The following DGLUCY variants were observed in gnomAD, a reference collection of about 807,000 sequenced individuals.
DGLUCY encodes the protein D-glutamate cyclase, mitochondrial.
Under a neutral mutation model 58.5 loss-of-function variants are expected in DGLUCY, and 58 were observed. The ratio of observed to expected loss-of-function variants is 0.99; its 90% CI spans 0.80 to 1.23. The LOEUF is 1.23. Ranked by LOEUF, DGLUCY falls within the 50% of genes most tolerant of loss-of-function variation. The probability of loss-of-function intolerance (pLI) is 0.00; values close to 1 mark genes in which losing one functional copy is unlikely to be tolerated. For missense variants in DGLUCY, 779 were observed against 784.7 expected, an observed-to-expected ratio of 0.99 and a Z score of 0.09; for synonymous variants, 325 against 314.1, an observed-to-expected ratio of 1.03 and a Z score of -0.37.
intron 3 of DGLUCY, among the ~76,000 whole-genome samples, chr14:91,164,096 C>A (rs375069004): frequency 2.0e-5 from 3 of 152,012 alleles, no homozygotes; most frequent in Non-Finnish European, 2.9e-5. Context: ...ATTACAGGCA[C>A]GTGCCACCAT....
chr14:91,103,408 C>T (rs2044527613), upstream of DGLUCY, among the ~76,000 whole-genome samples: 2 of 152,172 alleles, frequency 1.3e-5, no homozygotes, highest in Non-Finnish European at 2.9e-5. Context: ...CTCCCTCCTC[C>T]TCCGTCTCCA....
intron 1 of DGLUCY, among the ~76,000 whole-genome samples, chr14:91,090,422 CTG>C (rs1245025513): frequency 1.3e-5 from 2 of 152,140 alleles, no homozygotes; most frequent in Admixed American, 6.5e-5. Context: ...GCTACATCCT[CTG>C]TGAGTTTTTA....
intron 13 of DGLUCY, among the ~76,000 whole-genome samples, chr14:91,220,055 GCCACTCTCTTCCCTGTATTT>G (rs1567018605): frequency 6.6e-6 from 1 of 152,226 alleles, no homozygotes; most frequent in Non-Finnish European, 1.5e-5. Flanking sequence ...CTGGGTTAGG[GCCACTCTCTTCCCTGTATTT>G]CTGTAGTTTG....
In DGLUCY at chr14:91,209,036, A is replaced by G. The variant is rs193202102; in HGVS notation, c.1564+4211A>G. Among the ~76,000 whole-genome samples the G allele has an allele frequency of 4.3e-4, 65 of 152,304 alleles. 1 individual carries two copies. The Middle Eastern group carries it at 0.017, about 40-fold the overall frequency. On this transcript the variant is annotated intron_variant, in intron 12 of 13. Coordinates refer to ENST00000256324, the MANE Select transcript of DGLUCY (RefSeq NM_001102368.3). ...AAGTGTAGAAGACAAAAATGGGGCC[A>G]GGCGCAGTGGCTCACACCTGTAATC...
At chr14:91,215,671 C>T (rs1308029321) in intron 13 of DGLUCY, 115 bp downstream of exon 13, 1 of 1,589,704 alleles carries the variant, frequency 6.3e-7, no homozygotes, top group Non-Finnish European at 8.5e-7. Context: ...CCTCAAAAGC[C>T]AGAGGCAGAG....
At chr14:91,125,339 C>T (rs927187901) in intron 1 of DGLUCY, among the ~76,000 whole-genome samples, 1 of 152,286 alleles carries the variant, frequency 6.6e-6, no homozygotes. Context: ...GGAATGGCTG[C>T]GATCCTGTCT....
chr14:91,149,283 A>G (rs2140292995), intron 1 of DGLUCY, among the ~76,000 whole-genome samples: 1 of 152,228 alleles, frequency 6.6e-6, no homozygotes, highest in East Asian at 1.9e-4. Context: ...AAAAGAAAGA[A>G]ACTGAGGCCC....
intron 1 of DGLUCY, among the ~76,000 whole-genome samples, chr14:91,134,576 T>C (rs1270788213): frequency 6.6e-6 from 1 of 152,066 alleles, no homozygotes; most frequent in Non-Finnish European, 1.5e-5. Flanking sequence ...TAGCTGGGAC[T>C]ACAGGCCTGT....
intron 3 of DGLUCY, among the ~76,000 whole-genome samples, chr14:91,162,851 C>T (rs1315576775): frequency 8.0e-5 from 12 of 149,978 alleles, no homozygotes; most frequent in African/African-American, 1.7e-4. Context: ...GAGCCGAGAT[C>T]GCACCATTGC....
chr14:91,090,440 T>C (rs978052254), intron 1 of DGLUCY, among the ~76,000 whole-genome samples: 1 of 152,164 alleles, frequency 6.6e-6, no homozygotes, highest in Admixed American at 6.5e-5. Context: ...TTTTAAAACC[T>C]TCTCCCAGCC....
intron 1 of DGLUCY, among the ~76,000 whole-genome samples, chr14:91,143,189 G>A (rs942933300): frequency 1.3e-5 from 2 of 151,484 alleles, no homozygotes; most frequent in East Asian, 2.0e-4. Flanking sequence ...TCTGCCTCCC[G>A]GGTTCATGCC....
chr14:91,192,167 A>G (rs887709364), intron 9 of DGLUCY, among the ~76,000 whole-genome samples: 1 of 152,180 alleles, frequency 6.6e-6, no homozygotes, highest in African/African-American at 2.4e-5. Context: ...TATAATTATT[A>G]CTCAGCCTTA....
At chr14:91,084,205 T>C (rs1415312943) in intron 1 of DGLUCY, among the ~76,000 whole-genome samples, 4 of 86,942 alleles carry the variant, frequency 4.6e-5, no homozygotes, top group Non-Finnish European at 9.3e-5. Context: ...TCTGTCTCTC[T>C]TTTTTTTTTT....
chr14:91,211,019 A>G (rs964854589), intron 12 of DGLUCY, among the ~76,000 whole-genome samples: 2 of 152,258 alleles, frequency 1.3e-5, no homozygotes, highest in African/African-American at 4.8e-5. Context: ...TATGGTTGCA[A>G]GATACAAAGT....
At chr14:91,077,208 T>G (rs754281583) in intron 1 of DGLUCY, among the ~76,000 whole-genome samples, 3 of 150,670 alleles carry the variant, frequency 2.0e-5, no homozygotes, top group Non-Finnish European at 4.4e-5. Flanking sequence ...ATCGTGCCAC[T>G]GCAGTCTGGG....
At chr14:91,162,468 C>A (rs1191404301) in intron 3 of DGLUCY, among the ~76,000 whole-genome samples, 1 of 152,176 alleles carries the variant, frequency 6.6e-6, no homozygotes. Context: ...CCACCATCCT[C>A]TCCAGAAAGA....
intron 13 of DGLUCY, among the ~76,000 whole-genome samples, chr14:91,220,965 A>G (rs1887389265): frequency 6.6e-6 from 1 of 152,258 alleles, no homozygotes. Flanking sequence ...AACAAACACC[A>G]GGAAAGGTTT....
intron 1 of DGLUCY, among the ~76,000 whole-genome samples, chr14:91,150,218 CAAAA>C (rs71120121): frequency 1.5e-5 from 1 of 64,730 alleles, no homozygotes. Flanking sequence ...GACTCCATCT[CAAAA>C]AAAAAAAAAA....
chr14:91,106,306 C>G (rs534386730), upstream of DGLUCY, among the ~76,000 whole-genome samples: 1 of 150,874 alleles, frequency 6.6e-6, no homozygotes, highest in East Asian at 2.0e-4. Context: ...AAACTCCATT[C>G]CCTACCCCCC....
Sources: gnomAD v4.1 joint callset for allele counts (sites outside exome capture counted in the v4.1 genomes callset) on GRCh38, gnomAD v4.1.1 for gene constraint, MANE v1.5 for transcripts, NCBI Gene and HGNC (gene_info 2026-07-23, HGNC 2026-07-21) for gene names.